FAF1: variants seen among roughly 807,000 people sequenced by gnomAD.
The protein encoded by FAF1 is Fas associated factor 1.
Under a neutral mutation model 92.5 loss-of-function variants are expected in FAF1, and 25 were observed. The observed-to-expected ratio is 0.27, with a 90% CI of 0.20 to 0.38. FAF1 has a LOEUF of 0.38. Ranked by LOEUF, FAF1 falls within the 10% of genes least tolerant of loss-of-function variation. FAF1 has a pLI of 1.00. For synonymous variants in FAF1, 234 were observed against 273.2 expected (o/e 0.86, Z 1.42); for missense variants, 636 against 793.3 (o/e 0.80, Z 2.38).
At chr1:50,507,274 G>C (rs2149020062) in intron 15 of FAF1, among the ~76,000 whole-genome samples, 1 of 152,292 alleles carries the variant, frequency 6.6e-6, no homozygotes, top group South Asian at 2.1e-4. Context: ...AAGAATAAAA[G>C]TAAAGTAACT....
At chr1:50,758,861 G>C (rs1660195077) in intron 4 of FAF1, among the ~76,000 whole-genome samples, 1 of 151,976 alleles carries the variant, frequency 6.6e-6, no homozygotes, top group Non-Finnish European at 1.5e-5. Context: ...TTATTATTTT[G>C]AGATGGAGTC....
At chr1:50,796,613 T>A (rs904370806) in intron 3 of FAF1, among the ~76,000 whole-genome samples, 1 of 152,108 alleles carries the variant, frequency 6.6e-6, no homozygotes, top group African/African-American at 2.4e-5. Context: ...GGAATGGGAA[T>A]CATGACCTCT....
chr1:50,688,680 C>T (rs1288211101), intron 7 of FAF1, among the ~76,000 whole-genome samples: 1 of 152,026 alleles, frequency 6.6e-6, no homozygotes, highest in Non-Finnish European at 1.5e-5. Context: ...GGCGTTGTGG[C>T]GCATGCCTGT....
chr1:50,712,700 C>A (rs541278299), intron 6 of FAF1, among the ~76,000 whole-genome samples: 15 of 152,062 alleles, frequency 9.9e-5, no homozygotes, highest in Non-Finnish European at 1.9e-4. Flanking sequence ...TTTGCAAAGA[C>A]ATTTTTGCTA....
intron 4 of FAF1, among the ~76,000 whole-genome samples, chr1:50,759,417 T>C (rs1319642030): frequency 6.6e-6 from 1 of 151,464 alleles, no homozygotes; most frequent in Non-Finnish European, 1.5e-5. Flanking sequence ...TTTTTTGTTC[T>C]TGTGATAGTT....
In FAF1 at chr1:50,876,584, T is replaced by TTTTTG. The variant is rs769233882; in HGVS notation, c.46-18592_46-18588dup. On this transcript the variant is annotated intron_variant, in intron 1 of 18. Coordinates refer to ENST00000396153, the MANE Select transcript of FAF1 (RefSeq NM_007051.3). Reference sequence around the variant, plus strand: ...AATGGCCAAAGCTAAAACATTTGTTTTTTTGTTTTGTTTTGTTTTGAGATG... The same window carrying TTTTTG: ...AATGGCCAAAGCTAAAACATTTGTTTTTTTGTTTTGTTTTGTTTTGTTTTGAGATG... 9.1e-4 allele frequency among the ~76,000 whole-genome samples: 139 copies of TTTTTG among 152,252 alleles called. 2 individuals are homozygous for TTTTTG. The highest frequency in any genetic ancestry group is 4.7e-4 in the Non-Finnish European group (32 of 68,004).
At chr1:50,556,382 A>G (rs1046762542) in intron 13 of FAF1, among the ~76,000 whole-genome samples, 25 of 152,106 alleles carry the variant, frequency 1.6e-4, no homozygotes, top group African/African-American at 6.0e-4. Context: ...CTGAAGACTC[A>G]GAAGGGGGAA....
Position 50,959,862 on chromosome 1 carries a change from C to G in FAF1, c.-51G>C. The G allele has an allele frequency of 7.0e-7, 1 of 1,427,066 alleles. No homozygotes were observed. The highest frequency in any genetic ancestry group is 9.4e-7 in the Non-Finnish European group (1 of 1,061,686). 88.4% of individuals were successfully genotyped at this position (1,427,066 alleles called of 1,614,324 possible). A position where few individuals can be genotyped will look rare whatever the true frequency, so the allele number is the denominator to read the frequency against. ...GGGAGCGAAGCGCGCACCTGGGAGG[C>G]AGACGGCACCTCCTGCGACCGTCGC... On this transcript the variant is annotated 5_prime_UTR_variant, in exon 1 of 19. Coordinates refer to ENST00000396153, the MANE Select transcript of FAF1 (RefSeq NM_007051.3).
In FAF1 at chr1:50,874,761, T is replaced by TC. The variant is rs1356301441; in HGVS notation, c.46-16765_46-16764insG. Among the ~76,000 whole-genome samples the TC allele has an allele frequency of 7.0e-5, 7 of 99,496 alleles. No homozygotes were observed. In the East Asian group the frequency reaches 1.6e-3, roughly 23 times the overall value. The allele number at this position is 99,496 out of a possible 152,430, so 65.3% of individuals were successfully genotyped here. ...TCCATCTTATTTTCTTTTCTTTCTT[T>TC]TTTTTTTTTTTTTTTTTTTTTTTTT... is the stretch of plus-strand genomic sequence containing the variant. On this transcript the variant is annotated intron_variant, in intron 1 of 18. Coordinates refer to ENST00000396153, the MANE Select transcript of FAF1 (RefSeq NM_007051.3).
rs558007850 is a variant in FAF1 at position 50,555,209 on chromosome 1, C to A, written c.1268+11868G>T. Reference sequence around the variant, plus strand: ...CTGCATTCCAGCCCAGGTGACAGAGCGAGACACACACACACATACACACAC... The same window carrying A: ...CTGCATTCCAGCCCAGGTGACAGAGAGAGACACACACACACATACACACAC... On this transcript the variant is annotated intron_variant, in intron 13 of 18. Coordinates refer to ENST00000396153, the MANE Select transcript of FAF1 (RefSeq NM_007051.3). Among the ~76,000 whole-genome samples the A allele has an allele frequency of 2.0e-5, 3 of 150,842 alleles. No homozygotes were observed. In the South Asian group the frequency reaches 6.3e-4, roughly 32 times the overall value.
intron 15 of FAF1, among the ~76,000 whole-genome samples, chr1:50,527,840 TCTCCCTCTCTCCCTCTCTCC>T (rs1647903632): frequency 3.9e-5 from 2 of 50,898 alleles, no homozygotes. Flanking sequence ...TCTCTCTCTC[TCTCCCTCTCTCCCTCTCTCC>T]CTCTCTCCCT....
At chr1:50,836,189 T>TA (rs71059598) in intron 2 of FAF1, among the ~76,000 whole-genome samples, 2 of 146,808 alleles carry the variant, frequency 1.4e-5, no homozygotes, top group African/African-American at 5.1e-5. Context: ...TTTTTTTTTT[T>TA]AGACAGGGTC....
intron 8 of FAF1, among the ~76,000 whole-genome samples, chr1:50,625,451 A>G (rs1569612985): frequency 6.6e-6 from 1 of 152,346 alleles, no homozygotes; most frequent in East Asian, 1.9e-4. Flanking sequence ...AAGTGTAACT[A>G]ATTTTACCAA....
At chr1:50,795,580 A>G (rs1466558505) in intron 3 of FAF1, among the ~76,000 whole-genome samples, 48 of 152,200 alleles carry the variant, frequency 3.2e-4, no homozygotes, top group Non-Finnish European at 2.9e-5. Flanking sequence ...TATGTGGTAT[A>G]AATGCTTTAT....
chr1:50,904,655 G>T (rs1644821103), intron 1 of FAF1, among the ~76,000 whole-genome samples: 1 of 151,910 alleles, frequency 6.6e-6, no homozygotes, highest in African/African-American at 2.4e-5. Flanking sequence ...TTCCCTAGTG[G>T]ATTTTATTTG....
At chr1:50,731,304 C>T in intron 6 of FAF1, among the ~76,000 whole-genome samples, 1 of 152,026 alleles carries the variant, frequency 6.6e-6, no homozygotes, top group East Asian at 1.9e-4. Flanking sequence ...TAGCTAACTG[C>T]TGAGGTACTA....
intron 1 of FAF1, among the ~76,000 whole-genome samples, chr1:50,931,798 A>G (rs1313537394): frequency 6.6e-6 from 1 of 151,616 alleles, no homozygotes; most frequent in Non-Finnish European, 1.5e-5. Context: ...GGCGTGAACC[A>G]GGGAGGCAGA....
chr1:50,806,810 T>C (rs1003771781), intron 2 of FAF1, among the ~76,000 whole-genome samples: 4 of 152,202 alleles, frequency 2.6e-5, no homozygotes, highest in African/African-American at 9.7e-5. Context: ...GTGACTTCAC[T>C]GAACTCACCT....
Position 50,788,165 on chromosome 1 carries a change from G to T in FAF1, c.202C>A (p.Pro68Thr), listed in dbSNP as rs756890416. Residue 68 changes from proline to threonine, a missense_variant, in exon 4 of 19, where the codon CCA becomes ACA. Around this residue, in one of 2 missense-constraint regions of FAF1, gnomAD observed 317 missense variants for 342.4 expected, o/e 0.93. Transcript: ENST00000396153. ...GETIPGPAFN[P>T]ASHPASAPTS... ...GGAGCTGAAGCTGGATGACTTGCTG[G>T]ATTAAATGCAGGTCCTGGTATGGTC... 1.2e-6 allele frequency: 2 copies of T among 1,614,080 alleles called. No individual in the cohort carries two copies. The highest frequency in any genetic ancestry group is 2.2e-5 in the South Asian group (2 of 91,080).
Sources: gnomAD v4.1 joint callset for allele counts (sites outside exome capture counted in the v4.1 genomes callset) on GRCh38, gnomAD v4.1.1 for gene constraint, gnomAD v4.1.1 regional missense constraint, MANE v1.5 for transcripts, NCBI Gene and HGNC (gene_info 2026-07-23, HGNC 2026-07-21) for gene names.